Variants in DGKB observed in about 807,000 individuals in gnomAD.
DGKB encodes 90 kDa diacylglycerol kinase.
In DGKB, 67 loss-of-function variants were observed where a neutral mutation model predicts 114.3. The observed-to-expected ratio is 0.59, with a 90% CI of 0.48 to 0.72. The LOEUF (loss-of-function observed/expected upper bound fraction) is 0.72, where lower values mean the gene tolerates loss of function less well. DGKB is among the 30% of genes least tolerant of loss of function. The pLI, the probability that DGKB is intolerant of heterozygous loss-of-function variation, is 0.00. For synonymous variants in DGKB, 398 were observed against 323.1 expected (o/e 1.23, Z -2.49); for missense variants, 907 against 975.2 (o/e 0.93, Z 0.93).
chr7:14,766,216 A>C (rs1356357932), intron 2 of DGKB, among the ~76,000 whole-genome samples: 1 of 151,994 alleles, frequency 6.6e-6, no homozygotes, highest in Non-Finnish European at 1.5e-5. Flanking sequence ...TCATTGAACA[A>C]AACAGAAAAT....
intron 2 of DGKB, among the ~76,000 whole-genome samples, chr7:14,825,200 A>G (rs983690852): frequency 6.6e-6 from 1 of 151,634 alleles, no homozygotes; most frequent in African/African-American, 2.4e-5. Context: ...GCTGTCTTCT[A>G]GATCACTGGT....
intron 23 of DGKB, among the ~76,000 whole-genome samples, chr7:14,328,446 G>GTT (rs1280731683): frequency 3.7e-4 from 56 of 152,074 alleles, no homozygotes; most frequent in Admixed American, 3.2e-3. Context: ...TTTAAAAAGG[G>GTT]TAGAAAGTAC....
intron 20 of DGKB, among the ~76,000 whole-genome samples, chr7:14,570,857 G>C (rs539095859): frequency 1.3e-5 from 2 of 152,028 alleles, no homozygotes; most frequent in East Asian, 1.9e-4. Context: ...GACCAGTGCC[G>C]TTCAAACCTG....
At chr7:14,214,432 A>C (rs567853249) in intron 23 of DGKB, among the ~76,000 whole-genome samples, 1 of 152,164 alleles carries the variant, frequency 6.6e-6, no homozygotes, top group Non-Finnish European at 1.5e-5. Context: ...AATAAGGAGA[A>C]AAAATCTGCT....
intron 22 of DGKB, among the ~76,000 whole-genome samples, chr7:14,343,157 C>CCCCACACA (rs147711009): frequency 2.9e-4 from 38 of 132,920 alleles, no homozygotes; most frequent in Non-Finnish European, 5.1e-4. Flanking sequence ...GCCTAGCTAT[C>CCCCACACA]CACACACACA....
intron 9 of DGKB, among the ~76,000 whole-genome samples, chr7:14,690,258 CTCT>C (rs1362032551): frequency 6.6e-6 from 1 of 152,180 alleles, no homozygotes; most frequent in East Asian, 1.9e-4. Flanking sequence ...ACACTAACTT[CTCT>C]TCTTGGCTAA....
chr7:14,565,725 T>G (rs1797290706), intron 20 of DGKB, among the ~76,000 whole-genome samples: 1 of 152,178 alleles, frequency 6.6e-6, no homozygotes, highest in Non-Finnish European at 1.5e-5. Flanking sequence ...TCTTTCCAGT[T>G]TTTTTCAGTA....
intron 17 of DGKB, among the ~76,000 whole-genome samples, chr7:14,596,906 T>C (rs1395303862): frequency 6.6e-6 from 1 of 152,178 alleles, no homozygotes; most frequent in Non-Finnish European, 1.5e-5. Flanking sequence ...CTTTTTAAAA[T>C]ATCAAAAACT....
intron 23 of DGKB, among the ~76,000 whole-genome samples, chr7:14,233,098 T>A (rs1792168198): frequency 1.3e-5 from 2 of 152,062 alleles, no homozygotes; most frequent in Admixed American, 1.3e-4. Context: ...TCTTGAGGTG[T>A]CTTGGCTTGA....
chr7:14,682,954 A>G, intron 10 of DGKB, 113 bp from the exon 11 acceptor site: 1 of 714,974 alleles, frequency 1.4e-6, no homozygotes, highest in East Asian at 2.7e-5. Flanking sequence ...TCCCTAATCA[A>G]TCCAATCAGC....
At chr7:14,453,488 A>G (rs1421868759) in intron 21 of DGKB, among the ~76,000 whole-genome samples, 1 of 152,122 alleles carries the variant, frequency 6.6e-6, no homozygotes, top group Non-Finnish European at 1.5e-5. Context: ...TTCTCCACCA[A>G]GGCTCAAAAT....
intron 23 of DGKB, among the ~76,000 whole-genome samples, chr7:14,337,216 A>G (rs1248723105): frequency 1.3e-5 from 2 of 152,108 alleles, no homozygotes; most frequent in Non-Finnish European, 2.9e-5. Flanking sequence ...ACTTCTAGAA[A>G]CTAATAATTA....
chr7:14,761,445 T>C (rs1168471116), intron 2 of DGKB, among the ~76,000 whole-genome samples: 1 of 152,216 alleles, frequency 6.6e-6, no homozygotes, highest in Non-Finnish European at 1.5e-5. Context: ...AGTTAACTGC[T>C]TGTCCAAATT....
intron 21 of DGKB, among the ~76,000 whole-genome samples, chr7:14,404,769 T>C (rs6461098): frequency 0.98 from 148,075 of 151,802 alleles, 72,317 homozygotes; most frequent in Non-Finnish European, 1. Flanking sequence ...TTCACCACTG[T>C]GTCTTCTTGA....
chr7:14,774,790 A>G (rs1001161023), intron 2 of DGKB, among the ~76,000 whole-genome samples: 1 of 152,146 alleles, frequency 6.6e-6, no homozygotes, highest in Non-Finnish European at 1.5e-5. Context: ...TTGTTTTAGA[A>G]TTCTCTAATT....
intron 15 of DGKB, among the ~76,000 whole-genome samples, chr7:14,618,034 G>C (rs987465183): frequency 6.6e-6 from 1 of 151,378 alleles, no homozygotes; most frequent in African/African-American, 2.4e-5. Context: ...ACAATTCTGG[G>C]TTTACATTGA....
At chr7:14,433,328 A>G (rs74787804) in intron 21 of DGKB, among the ~76,000 whole-genome samples, 5,072 of 152,222 alleles carry the variant, frequency 0.033, 305 homozygotes, top group African/African-American at 0.11. Flanking sequence ...TATTGATCTC[A>G]ACAAAATTCT....
In DGKB at chr7:14,353,477, C is replaced by G. The variant is rs569171175; in HGVS notation, c.1836-8086G>C. Among the ~76,000 whole-genome samples the G allele has an allele frequency of 5.3e-5, 8 of 152,206 alleles. No homozygotes were observed. The East Asian group carries it at 1.4e-3, about 26-fold the overall frequency. ...GGAAAAATAACTGGAGATGAAGCAG[C>G]CTTCTTGCCCCTATGAAGGAAAAGA... is the stretch of plus-strand genomic sequence containing the variant. On this transcript the variant is annotated intron_variant, in intron 21 of 25. Coordinates refer to ENST00000402815, the MANE Select transcript of DGKB (RefSeq NM_001350709.2).
At chr7:14,265,140 A>T (rs1036065408) in intron 23 of DGKB, among the ~76,000 whole-genome samples, 30 of 142,744 alleles carry the variant, frequency 2.1e-4, no homozygotes, top group African/African-American at 5.7e-4. Flanking sequence ...TCCGGAGATC[A>T]TTTTTTTTTT....
Sources: gnomAD v4.1 joint callset for allele counts (sites outside exome capture counted in the v4.1 genomes callset) on GRCh38, gnomAD v4.1.1 for gene constraint, MANE v1.5 for transcripts, NCBI Gene and HGNC (gene_info 2026-07-23, HGNC 2026-07-21) for gene names.